The following VSTM5 variants were observed in gnomAD, a reference collection of about 807,000 sequenced individuals.
VSTM5 encodes the protein V-set and transmembrane domain containing 5, also known as V-set and transmembrane domain-containing protein 5.
Under a neutral mutation model 20.3 loss-of-function variants are expected in VSTM5, and 21 were observed. That is an observed-to-expected ratio of 1.03 (90% CI 0.73 to 1.49). The LOEUF is 1.49. VSTM5 is among the 40% of genes most tolerant of loss of function. The probability of loss-of-function intolerance (pLI) is 0.00; values close to 1 mark genes in which losing one functional copy is unlikely to be tolerated. For synonymous variants in VSTM5, 100 were observed against 102.5 expected (o/e 0.98, Z 0.14); for missense variants, 219 against 250.0 (o/e 0.88, Z 0.84).
In VSTM5 at chr11:93,820,842, C is replaced by T. The variant is rs935712387; in HGVS notation, c.460G>A (p.Ala154Thr). The change falls in exon 3 of 4, where the codon GCT (alanine) becomes ACT (threonine). Residue 154 changes from alanine to threonine, a missense_variant. Transcript: ENST00000409977. ...ACTGCGGCCACAGCAGCGAGAAAAG[C>T]AAGGATGACAGCGACAAAGTGCAGG... is the stretch of plus-strand genomic sequence containing the variant. ...EDLHFVAVIL[A>T]FLAAVAAVLI... 6.4e-7 allele frequency: 1 copy of T among 1,550,722 alleles called. No homozygotes were observed. Among genetic ancestry groups the T allele is most frequent in the Middle Eastern group, 1.7e-4 (1 of 5,992 alleles).
At chr11:93,824,400 A>G (rs979188977) in intron 1 of VSTM5, among the ~76,000 whole-genome samples, 23 of 152,100 alleles carry the variant, frequency 1.5e-4, no homozygotes, top group Non-Finnish European at 2.9e-4. Flanking sequence ...TTTGATTTGC[A>G]CTTCCCTGAT....
At chr11:93,831,202 G>C (rs1440735304) in intron 1 of VSTM5, among the ~76,000 whole-genome samples, 1 of 151,996 alleles carries the variant, frequency 6.6e-6, no homozygotes, top group Non-Finnish European at 1.5e-5. Context: ...TGGGACAAAA[G>C]GTGTGCACTA....
At position 93,821,181 on chromosome 11, in the gene VSTM5, G is replaced by A. The variant is rs1336223792; in HGVS notation, c.234C>T (p.Ile78=). The A allele has an allele frequency of 4.5e-6, 7 of 1,552,186 alleles. No individual in the cohort carries two copies. The highest frequency in any genetic ancestry group is 1.2e-5 in the South Asian group (1 of 84,062). Residue 78 remains isoleucine, a synonymous_variant, in exon 2 of 4, where the codon ATC becomes ATT. Coordinates refer to ENST00000409977, the MANE Select transcript of VSTM5 (RefSeq NM_001144871.2). ...TYSSNWGTQK[I]VEWKPGTQAN... ...CCTGAGTCCCTGGTTTCCACTCCAC[G>A]ATCTTCTGCGTTCCCCAATTGGATG...
chr11:93,820,358 T>C lies in VSTM5; in HGVS notation c.*211A>G. On this transcript the variant is annotated 3_prime_UTR_variant, in exon 4 of 4. Transcript: ENST00000409977. The stretch of plus-strand genomic sequence containing the variant: ...GCTCCTGGTTCAAAGCCTCAATCAC[T>C]CTTCTCCTTGAACTTAGCGCGAGTC... 1.7e-6 allele frequency: 1 copy of C among 579,766 alleles called. No homozygotes were observed. The highest frequency in any genetic ancestry group is 3.1e-6 in the Non-Finnish European group (1 of 327,448). 35.9% of individuals were successfully genotyped at this position (579,766 alleles called of 1,614,324 possible).
chr11:93,830,898 G>A lies in VSTM5; in HGVS notation c.92-9575C>T, dbSNP rs554721333. 8.6e-5 allele frequency among the ~76,000 whole-genome samples: 13 copies of A among 152,040 alleles called. No individual in the cohort carries two copies. In the East Asian group the frequency reaches 1.7e-3, roughly 20 times the overall value. On this transcript the variant is annotated intron_variant, in intron 1 of 3. Transcript: ENST00000409977. ...CTCCTGAGTAGCTGGGACCACAGGC[G>A]TATTGGCCAGGCCCGGCTATTTTTT...
Position 93,850,566 on chromosome 11 carries a change from C to A in VSTM5, c.-64G>T. The A allele has an allele frequency of 1.6e-6, 2 of 1,229,736 alleles. No individual in the cohort carries two copies. The highest frequency in any genetic ancestry group is 2.2e-6 in the Non-Finnish European group (2 of 897,678). 76.2% of individuals were successfully genotyped at this position (1,229,736 alleles called of 1,614,324 possible). On this transcript the variant is annotated 5_prime_UTR_variant, in exon 1 of 4. Transcript: ENST00000409977. ...GCCGCACCGCGCTGCAGCTCCTATG[C>A]AGCCTTCTCTCTTCCTCCGCCTCTG...
chr11:93,820,528 G>T lies in VSTM5; in HGVS notation c.*41C>A, dbSNP rs1944171495. ...TGCTTGCTCTTTTTGTTGGAGAATG[G>T]TTTCCTCTTGAGGTAGGAATGCAGT... On this transcript the variant is annotated 3_prime_UTR_variant, in exon 4 of 4. Transcript: ENST00000409977. The T allele has an allele frequency of 6.5e-7, 1 of 1,549,800 alleles. No homozygotes were observed. Among genetic ancestry groups the T allele is most frequent in the Non-Finnish European group, 8.7e-7 (1 of 1,145,662 alleles).
chr11:93,832,137 A>G lies in VSTM5; in HGVS notation c.92-10814T>C, dbSNP rs61077719. On this transcript the variant is annotated intron_variant, in intron 1 of 3. Coordinates refer to ENST00000409977, the MANE Select transcript of VSTM5 (RefSeq NM_001144871.2). ...GCACAGTACAGTCAATTGTAGCAGC[A>G]AAAGACTGGAGATGCACCTGTGTGT... 4.7e-3 allele frequency among the ~76,000 whole-genome samples: 714 copies of G among 152,372 alleles called. 11 individuals carry two copies. The highest frequency in any genetic ancestry group is 0.016 in the African/African-American group (666 of 41,590).
At chr11:93,823,478 C>T (rs1228652455) in intron 1 of VSTM5, among the ~76,000 whole-genome samples, 1 of 151,986 alleles carries the variant, frequency 6.6e-6, no homozygotes, top group Non-Finnish European at 1.5e-5. Context: ...ACATTCAGTC[C>T]CCAGAATTTG....
At position 93,820,238 on chromosome 11, in the gene VSTM5, T is replaced by C. The variant is rs112804590; in HGVS notation, c.*331A>G. The C allele has an allele frequency of 2.8e-3, 945 of 337,674 alleles. 10 individuals are homozygous for C. Among genetic ancestry groups the C allele is most frequent in the African/African-American group, 0.019 (876 of 46,722 alleles). The allele number at this position is 337,674 out of a possible 1,614,324, so 20.9% of individuals were successfully genotyped here. A position where few individuals can be genotyped will look rare whatever the true frequency, so the allele number is the denominator to read the frequency against. ...CAGGGACTCTGACAACAGGCCATCC[T>C]GCACACCAGAGCAAGTGTCGTGAGC... is the stretch of plus-strand genomic sequence containing the variant. On this transcript the variant is annotated 3_prime_UTR_variant, in exon 4 of 4. Coordinates refer to ENST00000409977, the MANE Select transcript of VSTM5 (RefSeq NM_001144871.2).
chr11:93,820,637 A>G, intron 3 of VSTM5, 25 bp from the exon 4 acceptor site: 1 of 1,551,800 alleles, frequency 6.4e-7, no homozygotes, highest in Non-Finnish European at 8.7e-7. Flanking sequence ...CAAGTCAATG[A>G]GTTGGAAATC....
In VSTM5 at chr11:93,821,013, G is replaced by A. The variant is rs143287726; in HGVS notation, c.402C>T (p.Ile134=). ...ATGTCTTACCAGAGACGTGCAGCAC[G>A]ATGGTGCCAAACTGGCTGCTCCCCA... The part of the protein sequence containing the change: ...ERLGSSQFGT[I]VLHVSEILYE... Residue 134 remains isoleucine, a synonymous_variant, in exon 2 of 4, where the codon ATC becomes ATT. Coordinates refer to ENST00000409977, the MANE Select transcript of VSTM5 (RefSeq NM_001144871.2). The A allele has an allele frequency of 1.5e-3, 2,331 of 1,551,676 alleles. 3 individuals are homozygous for A. Among genetic ancestry groups the A allele is most frequent in the Admixed American group, 1.9e-3 (99 of 51,000 alleles).
At position 93,818,918 on chromosome 11, in the gene VSTM5, T is replaced by C. The variant is rs1185982861; in HGVS notation, c.*1651A>G. 2 of 152,224 alleles carry C rather than the reference T, an allele frequency of 1.3e-5. No homozygotes were observed. Among genetic ancestry groups the C allele is most frequent in the African/African-American group, 4.8e-5 (2 of 41,442 alleles). The allele number at this position is 152,224 out of a possible 1,614,324, so 9.4% of individuals were successfully genotyped here. The stretch of plus-strand genomic sequence containing the variant: ...GTCTACAGGAGGCGCCTTGAGGGTA[T>C]CTTCTACCTGTCAGGTGCTAGAGCT... On this transcript the variant is annotated 3_prime_UTR_variant, in exon 4 of 4. Transcript: ENST00000409977.
chr11:93,849,494 A>T (rs1395550786), intron 1 of VSTM5, among the ~76,000 whole-genome samples: 2 of 152,204 alleles, frequency 1.3e-5, no homozygotes, highest in Admixed American at 6.5e-5. Context: ...CACTTGTGAA[A>T]CAGGAATAAG....
rs1181450209 is a variant in VSTM5 at position 93,819,578 on chromosome 11, TCTGA to T, written c.*987_*990del. ...GCATACTGTGGGCTTCTCTTGATAC[TCTGA>T]CTGTGAGGTAGGCAAGGGCCAAGCG... On this transcript the variant is annotated 3_prime_UTR_variant, in exon 4 of 4. Transcript: ENST00000409977. 2 of 152,350 alleles carry T rather than the reference TCTGA, an allele frequency of 1.3e-5. No individual in the cohort carries two copies. Among genetic ancestry groups the T allele is most frequent in the African/African-American group, 4.8e-5 (2 of 41,472 alleles). The allele number at this position is 152,350 out of a possible 1,614,324, so 9.4% of individuals were successfully genotyped here.
At chr11:93,838,005 T>C (rs1158660715) in intron 1 of VSTM5, among the ~76,000 whole-genome samples, 1 of 123,374 alleles carries the variant, frequency 8.1e-6, no homozygotes, top group Non-Finnish European at 1.7e-5. Flanking sequence ...GGGGTGGGGG[T>C]GGGAGTGTGC....
intron 1 of VSTM5, among the ~76,000 whole-genome samples, chr11:93,836,235 G>T (rs1944321292): frequency 6.6e-6 from 1 of 152,210 alleles, no homozygotes; most frequent in South Asian, 2.1e-4. Context: ...CTCTCAATGT[G>T]CTTCACTATG....
chr11:93,844,379 C>T (rs1047274344), intron 1 of VSTM5, among the ~76,000 whole-genome samples: 1 of 152,034 alleles, frequency 6.6e-6, no homozygotes, highest in Non-Finnish European at 1.5e-5. Context: ...CATTAGGTCC[C>T]CTTACCCGTG....
chr11:93,822,422 C>T (rs1299452910), intron 1 of VSTM5, among the ~76,000 whole-genome samples: 2 of 151,374 alleles, frequency 1.3e-5, no homozygotes, highest in Non-Finnish European at 2.9e-5. Flanking sequence ...AACATGCCCA[C>T]ATAACGGAAG....
Sources: allele counts gnomAD v4.1 joint callset (sites outside exome capture counted in the v4.1 genomes callset), GRCh38; gene constraint gnomAD v4.1.1; transcripts MANE v1.5; gene names NCBI Gene and HGNC (gene_info 2026-07-23, HGNC 2026-07-21).